Variants in ATRN observed in about 807,000 individuals in gnomAD.
ATRN encodes the protein attractin-2.
In ATRN, 54 loss-of-function variants were observed where a neutral mutation model predicts 178.7. That is an observed-to-expected ratio of 0.30 (90% confidence interval 0.24 to 0.38). The LOEUF (loss-of-function observed/expected upper bound fraction) is 0.38, where lower values mean the gene tolerates loss of function less well. ATRN is among the 10% of genes least tolerant of loss of function. The pLI, the probability that ATRN is intolerant of heterozygous loss-of-function variation, is 1.00. For synonymous variants in ATRN, 636 were observed against 663.0 expected, an observed-to-expected ratio of 0.96 and a Z score of 0.63; for missense variants, 1,443 against 1,815.1, an observed-to-expected ratio of 0.79 and a Z score of 3.73.
At chr20:3,551,570 T>C (rs1451117929) in intron 6 of ATRN, among the ~76,000 whole-genome samples, 5 of 152,114 alleles carry the variant, frequency 3.3e-5, no homozygotes, top group Admixed American at 6.5e-5. Flanking sequence ...TGAGACACTT[T>C]TCAATCTTTT....
chr20:3,592,841 A>C (rs1353185455), intron 19 of ATRN, among the ~76,000 whole-genome samples: 2 of 152,230 alleles, frequency 1.3e-5, no homozygotes, highest in African/African-American at 2.4e-5. Context: ...TACTTAGTAG[A>C]TGTGGGCAAT....
intron 5 of ATRN, among the ~76,000 whole-genome samples, chr20:3,548,113 A>T (rs946849312): frequency 6.6e-6 from 1 of 152,184 alleles, no homozygotes; most frequent in Non-Finnish European, 1.5e-5. Context: ...CAAATATTGC[A>T]GCAGAAGCCA....
rs3084238 is a variant in ATRN, at chr20:3,485,610, G to GTTTTTTTTTTTTTTTTTTTTTTTTTTTT, written c.410+14095_410+14122dup. 1.8e-4 allele frequency among the ~76,000 whole-genome samples: 12 copies of GTTTTTTTTTTTTTTTTTTTTTTTTTTTT among 67,922 alleles called. 1 individual carries two copies. The highest frequency in any genetic ancestry group is 3.1e-4 in the Non-Finnish European group (11 of 35,138). The allele number at this position is 67,922 out of a possible 152,430, so 44.6% of individuals were successfully genotyped here. A position where few individuals can be genotyped will look rare whatever the true frequency, so the allele number is the denominator to read the frequency against. On this transcript the variant is annotated intron_variant, in intron 1 of 28. Transcript: ENST00000262919. ...TGGTTTGCCAATACATTTTTTTGAG[G>GTTTTTTTTTTTTTTTTTTTTTTTTTTTT]TTTTTTTTTTTTTTTTTTTTTTTTT...
chr20:3,475,750 G>A (rs918857498), intron 1 of ATRN, among the ~76,000 whole-genome samples: 2 of 152,170 alleles, frequency 1.3e-5, no homozygotes, highest in African/African-American at 4.8e-5. Flanking sequence ...ATAATCTGGT[G>A]AATTGGATTG....
intron 1 of ATRN, chr20:3,490,671 G>T: frequency 1.2e-6 from 1 of 824,642 alleles, no homozygotes; most frequent in Non-Finnish European, 2.2e-6. Context: ...GATTCTCTGA[G>T]CCTTCAGGAG....
chr20:3,491,097 A>G (rs1046437774), intron 1 of ATRN: 22 of 655,724 alleles, frequency 3.4e-5, no homozygotes, highest in African/African-American at 2.9e-4. Context: ...CACCTTTCCT[A>G]AAGTATTTTA....
intron 18 of ATRN, among the ~76,000 whole-genome samples, chr20:3,585,784 T>A (rs1041375647): frequency 6.6e-6 from 1 of 152,088 alleles, no homozygotes; most frequent in Non-Finnish European, 1.5e-5. Context: ...ATAAAGGATT[T>A]AAATAGACAT....
rs267605919 is a variant in ATRN, at chr20:3,572,793, C to T, written c.1934C>T (p.Ser645Leu). 22 of 1,613,768 alleles carry T rather than the reference C, an allele frequency of 1.4e-5. No homozygotes were observed. Among genetic ancestry groups the T allele is most frequent in the Middle Eastern group, 1.6e-4 (1 of 6,082 alleles). ...LLLSDILVFT[S>L]EQCDAHRSEA... ...CTCAGCGACATCCTGGTATTCACCT[C>T]GGAACAGTGTGATGCGCATCGGAGT... Residue 645 changes from serine (S) to leucine (L), a missense_variant, in exon 12 of 29, where the codon TCG becomes TTG. Transcript: ENST00000262919.
chr20:3,600,132 A>C (rs1467299458), intron 22 of ATRN, among the ~76,000 whole-genome samples: 1 of 152,212 alleles, frequency 6.6e-6, no homozygotes, highest in African/African-American at 2.4e-5. Flanking sequence ...GTACTAGTCA[A>C]ATTTCAGTTT....
chr20:3,553,408 C>T (rs1850953789), intron 6 of ATRN, among the ~76,000 whole-genome samples: 1 of 152,178 alleles, frequency 6.6e-6, no homozygotes, highest in African/African-American at 2.4e-5. Flanking sequence ...TTATGTACAG[C>T]CTGCTGTTAT....
intron 1 of ATRN, among the ~76,000 whole-genome samples, chr20:3,476,812 A>G (rs556166883): frequency 2.0e-5 from 3 of 152,268 alleles, no homozygotes; most frequent in Non-Finnish European, 4.4e-5. Context: ...GTGAGCCGAG[A>G]TTGTGCCATT....
chr20:3,602,963 CAAAAAAAAAAA>C (rs3842439), intron 23 of ATRN, among the ~76,000 whole-genome samples: 832 of 40,828 alleles, frequency 0.02, 10 homozygotes, highest in East Asian at 0.041. Flanking sequence ...AATTCCATCT[CAAAAAAAAAAA>C]AAAAAAAAAA....
rs759378497 is a variant in ATRN, at chr20:3,646,849, G to A, written c.*2G>A. The A allele has an allele frequency of 6.2e-7, 1 of 1,613,250 alleles. No individual in the cohort carries two copies. Among genetic ancestry groups the A allele is most frequent in the Non-Finnish European group, 8.5e-7 (1 of 1,179,752 alleles). On this transcript the variant is annotated 3_prime_UTR_variant, in exon 29 of 29. Transcript: ENST00000262919. ...GCACAGCCTGGGACCTGCATCTGAT[G>A]CTGGGGCCAGGGACTCTCCCACGCA...
intron 25 of ATRN, among the ~76,000 whole-genome samples, chr20:3,631,408 G>A (rs1227799238): frequency 6.6e-6 from 1 of 152,198 alleles, no homozygotes; most frequent in African/African-American, 2.4e-5. Context: ...TGTAAAGTGA[G>A]TTAGAAAAAA....
At chr20:3,539,612 T>C (rs1278115734) in intron 2 of ATRN, among the ~76,000 whole-genome samples, 1 of 151,842 alleles carries the variant, frequency 6.6e-6, no homozygotes, top group Non-Finnish European at 1.5e-5. Context: ...GGAGAGAGAA[T>C]TGGTAGGACT....
chr20:3,471,952 G>T (rs908308316), intron 1 of ATRN, among the ~76,000 whole-genome samples: 1 of 152,194 alleles, frequency 6.6e-6, no homozygotes, highest in Non-Finnish European at 1.5e-5. Context: ...GGAGATGTGG[G>T]GTGCTCTGAA....
chr20:3,515,484 G>C (rs953033789), intron 1 of ATRN, among the ~76,000 whole-genome samples: 3 of 152,164 alleles, frequency 2.0e-5, no homozygotes, highest in African/African-American at 7.2e-5. Flanking sequence ...TGGGGACCAA[G>C]TGAAAAGGGT....
At chr20:3,492,685 T>C (rs1311016731) in intron 1 of ATRN, among the ~76,000 whole-genome samples, 1 of 152,002 alleles carries the variant, frequency 6.6e-6, no homozygotes, top group African/African-American at 2.4e-5. Flanking sequence ...TACCAACGTT[T>C]TGCGCATGGG....
intron 1 of ATRN, among the ~76,000 whole-genome samples, chr20:3,517,660 A>G (rs1263994001): frequency 1.3e-5 from 2 of 150,470 alleles, no homozygotes; most frequent in African/African-American, 4.9e-5. Context: ...AATCCCAGCT[A>G]CTTGGGAGGC....
Sources: gnomAD v4.1 joint callset for allele counts (sites outside exome capture counted in the v4.1 genomes callset) on GRCh38, gnomAD v4.1.1 for gene constraint, MANE v1.5 for transcripts, NCBI Gene and HGNC (gene_info 2026-07-23, HGNC 2026-07-21) for gene names.